Variants in IL36B observed in about 807,000 individuals in gnomAD.
The protein encoded by IL36B is interleukin-36 beta.
A neutral mutation model predicts 19.3 loss-of-function variants in IL36B; 23 were observed. That is an observed-to-expected ratio of 1.19 (90% CI 0.86 to 1.69). The LOEUF (loss-of-function observed/expected upper bound fraction) is 1.69. IL36B is among the 40% of genes most tolerant of loss of function. IL36B has a pLI of 0.00. For missense variants in IL36B, 217 were observed against 200.5 expected, an observed-to-expected ratio of 1.08 and a Z score of -0.50; for synonymous variants, 59 against 59.7, an observed-to-expected ratio of 0.99 and a Z score of 0.05.
chr2:113,050,315 T>C (rs1213148371), intron 1 of IL36B, among the ~76,000 whole-genome samples: 1 of 149,892 alleles, frequency 6.7e-6, no homozygotes, highest in East Asian at 2.0e-4. Flanking sequence ...ATCTTGAAAG[T>C]AAACTCAGTT....
At chr2:113,043,024 C>G in intron 1 of IL36B, among the ~76,000 whole-genome samples, 1 of 152,196 alleles carries the variant, frequency 6.6e-6, no homozygotes, top group Admixed American at 6.5e-5. Context: ...TTCCCAATGA[C>G]TAATTATATT....
At chr2:113,028,478 T>C (rs1685006667) in intron 4 of IL36B, among the ~76,000 whole-genome samples, 1 of 152,232 alleles carries the variant, frequency 6.6e-6, no homozygotes, top group Non-Finnish European at 1.5e-5. Context: ...TGCATTACAA[T>C]TTCCAACAAT....
intron 2 of IL36B, 106 bp downstream of exon 2, chr2:113,031,591 G>A: frequency 1.0e-6 from 1 of 999,708 alleles, no homozygotes; most frequent in African/African-American, 1.6e-5. Flanking sequence ...TTTAGCAAGA[G>A]CAAATACATT....
At chr2:113,028,828 T>A in intron 4 of IL36B, 111 bp downstream of exon 4, 1 of 1,134,138 alleles carries the variant, frequency 8.8e-7, no homozygotes, top group Non-Finnish European at 1.2e-6. Flanking sequence ...ATTATTTCCT[T>A]ACATTGAATA....
rs373031656 is a variant in IL36B, at chr2:113,029,187, G to T, written c.122-109C>A. 3,234 of 1,127,578 alleles carry T rather than the reference G, an allele frequency of 2.9e-3. 49 individuals are homozygous for T. The highest frequency in any genetic ancestry group is 0.019 in the South Asian group (1,186 of 62,270). 69.8% of individuals were successfully genotyped at this position (1,127,578 alleles called of 1,614,324 possible). A position where few individuals can be genotyped will look rare whatever the true frequency, so the allele number is the denominator to read the frequency against. Reference sequence around the variant, plus strand: ...ACAGGCTCCTCCCATTAGCCATGTGGCAGAGACCCTCCATCACCCTCCTCA... The same window carrying T: ...ACAGGCTCCTCCCATTAGCCATGTGTCAGAGACCCTCCATCACCCTCCTCA... On this transcript the variant is annotated intron_variant, in intron 3 of 5. Coordinates refer to ENST00000259213, the MANE Select transcript of IL36B (RefSeq NM_014438.5).
At chr2:113,032,765 A>G (rs1201300062) in intron 1 of IL36B, among the ~76,000 whole-genome samples, 1 of 152,130 alleles carries the variant, frequency 6.6e-6, no homozygotes, top group African/African-American at 2.4e-5. Flanking sequence ...CCCCTTAATG[A>G]CCAAGGAAAG....
At chr2:113,051,194 C>T (rs1558839207) in intron 1 of IL36B, among the ~76,000 whole-genome samples, 1 of 152,218 alleles carries the variant, frequency 6.6e-6, no homozygotes, top group Non-Finnish European at 1.5e-5. Flanking sequence ...GAATGGAGCT[C>T]AGCCAGTGCC....
chr2:113,047,723 T>G (rs780674146), intron 1 of IL36B, among the ~76,000 whole-genome samples: 1 of 152,150 alleles, frequency 6.6e-6, no homozygotes, highest in Non-Finnish European at 1.5e-5. Flanking sequence ...ACAATGATAA[T>G]GCAAAGTGTA....
chr2:113,034,573 T>C (rs1218410819), intron 1 of IL36B, among the ~76,000 whole-genome samples: 1 of 152,262 alleles, frequency 6.6e-6, no homozygotes, highest in Non-Finnish European at 1.5e-5. Flanking sequence ...GAGAACTATG[T>C]GCTCAGTGGC....
At chr2:113,028,843 A>C in intron 4 of IL36B, 96 bp downstream of exon 4, 2 of 1,319,268 alleles carry the variant, frequency 1.5e-6, no homozygotes, top group Non-Finnish European at 2.1e-6. Context: ...TGAATAGTCC[A>C]GGGTTGCAAG....
At chr2:113,029,398 G>A (rs1473173888) in intron 3 of IL36B, among the ~76,000 whole-genome samples, 1 of 152,170 alleles carries the variant, frequency 6.6e-6, no homozygotes, top group African/African-American at 2.4e-5. Context: ...ATGGGATGGG[G>A]GCTACCCAAA....
At position 113,027,399 on chromosome 2, in the gene IL36B, T is replaced by G. The variant is rs916876571; in HGVS notation, c.262-1167A>C. The G allele has an allele frequency of 4.5e-6, 4 of 893,572 alleles. No individual in the cohort carries two copies. The African/African-American group carries it at 7.2e-5, about 16-fold the overall frequency. 55.4% of individuals were successfully genotyped at this position (893,572 alleles called of 1,614,324 possible). A position where few individuals can be genotyped will look rare whatever the true frequency, so the allele number is the denominator to read the frequency against. On this transcript the variant is annotated intron_variant, in intron 4 of 5. Transcript: ENST00000259213. The stretch of plus-strand genomic sequence containing the variant: ...TCAAGGGTTAAGTGTATACACTGTG[T>G]GTCAAATTATTAACGAATGACATTA...
intron 1 of IL36B, among the ~76,000 whole-genome samples, chr2:113,044,705 AT>A (rs1404629223): frequency 6.6e-6 from 1 of 152,128 alleles, no homozygotes; most frequent in African/African-American, 2.4e-5. Context: ...GGCTATTTAT[AT>A]TTAATGTTGC....
chr2:113,042,242 G>C (rs1367491110), intron 1 of IL36B, among the ~76,000 whole-genome samples: 1 of 152,000 alleles, frequency 6.6e-6, no homozygotes, highest in East Asian at 1.9e-4. Context: ...CACTATTCAG[G>C]GACACATAAT....
chr2:113,027,387 G>T, intron 4 of IL36B, 46 bp downstream of exon 5: 2 of 819,488 alleles, frequency 2.4e-6, no homozygotes, highest in Non-Finnish European at 3.0e-6. Context: ...AGGGTTAAGT[G>T]TATACACTGT....
At chr2:113,038,527 C>G (rs1299026916) in intron 1 of IL36B, among the ~76,000 whole-genome samples, 6 of 152,126 alleles carry the variant, frequency 3.9e-5, no homozygotes, top group Non-Finnish European at 1.5e-5. Flanking sequence ...AGATCTCAAG[C>G]GCAGCTGTGA....
At chr2:113,024,400 T>C (rs34645404) in intron 5 of IL36B, among the ~76,000 whole-genome samples, 2,922 of 152,332 alleles carry the variant, frequency 0.019, 44 homozygotes, top group Middle Eastern at 0.037. Context: ...GCCTTATTTT[T>C]TCCATACTAC....
At chr2:113,052,654 T>C (rs372865377) in intron 1 of IL36B, among the ~76,000 whole-genome samples, 163 bp downstream of exon 1, 3 of 152,370 alleles carry the variant, frequency 2.0e-5, no homozygotes, top group East Asian at 3.9e-4. Context: ...CACAGCATAT[T>C]CTGCACTCAT....
rs1684879369 is a variant in IL36B, at chr2:113,022,488, C to T, written c.*186G>A. The stretch of plus-strand genomic sequence containing the variant: ...GTCCAAATCTACTCCTAAAAAGACT[C>T]CGACCTTCTCTAGCTTTACAGGTAA... On this transcript the variant is annotated 3_prime_UTR_variant, in exon 6 of 6. Transcript: ENST00000259213. 1 of 526,780 alleles carries T rather than the reference C, an allele frequency of 1.9e-6. No individual in the cohort carries two copies. The highest frequency in any genetic ancestry group is 3.3e-5 in the Admixed American group (1 of 30,290). 32.6% of individuals were successfully genotyped at this position (526,780 alleles called of 1,614,324 possible). A position where few individuals can be genotyped will look rare whatever the true frequency, so the allele number is the denominator to read the frequency against.
Sources: allele counts gnomAD v4.1 joint callset (sites outside exome capture counted in the v4.1 genomes callset), GRCh38; gene constraint gnomAD v4.1.1; transcripts MANE v1.5; gene names NCBI Gene and HGNC (gene_info 2026-07-23, HGNC 2026-07-21).